The following MEI4 variants were observed in gnomAD, a reference collection of about 807,000 sequenced individuals.
MEI4 encodes meiosis-specific protein MEI4.
A neutral mutation model predicts 31.4 loss-of-function variants in MEI4; 27 were observed. The observed-to-expected ratio is 0.86, with a 90% confidence interval of 0.63 to 1.19. The LOEUF (loss-of-function observed/expected upper bound fraction) is 1.19. Ranked by LOEUF, MEI4 falls within the 50% of genes most tolerant of loss-of-function variation. The pLI is 0.00. For missense variants in MEI4, 329 were observed against 398.9 expected, an observed-to-expected ratio of 0.82 and a Z score of 1.49; for synonymous variants, 122 against 145.4, an observed-to-expected ratio of 0.84 and a Z score of 1.16.
chr6:77,678,258 G>A (rs946415954), intron 1 of MEI4, among the ~76,000 whole-genome samples: 14 of 152,340 alleles, frequency 9.2e-5, no homozygotes, highest in South Asian at 4.1e-4. Flanking sequence ...CCCTTCTGCT[G>A]CTATTCGGCC....
At chr6:77,673,914 T>C (rs1247423521) in intron 1 of MEI4, among the ~76,000 whole-genome samples, 1 of 152,212 alleles carries the variant, frequency 6.6e-6, no homozygotes, top group Non-Finnish European at 1.5e-5. Context: ...AATGTAAATG[T>C]GCATATATTT....
At chr6:77,808,926 G>T (rs1454358620) in intron 3 of MEI4, among the ~76,000 whole-genome samples, 3 of 152,114 alleles carry the variant, frequency 2.0e-5, no homozygotes, top group Non-Finnish European at 4.4e-5. Context: ...TGGAATGTGG[G>T]CCATTCTATG....
intron 3 of MEI4, among the ~76,000 whole-genome samples, chr6:77,773,516 C>T (rs938452555): frequency 2.6e-5 from 4 of 151,984 alleles, no homozygotes; most frequent in African/African-American, 9.7e-5. Context: ...TATCTGTCAA[C>T]ATATACAAAA....
intron 3 of MEI4, among the ~76,000 whole-genome samples, chr6:77,826,116 T>C (rs987016717): frequency 1.3e-5 from 2 of 152,218 alleles, no homozygotes; most frequent in African/African-American, 4.8e-5. Flanking sequence ...TTTCACTTGA[T>C]CCCAGTTTTG....
chr6:77,736,685 C>A lies in MEI4; in HGVS notation c.233-24445C>A, dbSNP rs567725770. 3.3e-5 allele frequency among the ~76,000 whole-genome samples: 5 copies of A among 152,052 alleles called. No homozygotes were observed. The East Asian group carries it at 7.8e-4, about 24-fold the overall frequency. On this transcript the variant is annotated intron_variant, in intron 2 of 4. Coordinates refer to ENST00000684080, the MANE Select transcript of MEI4 (RefSeq NM_001322247.2). ...CCCTTAATTCAGTATTTGTGAGGTA[C>A]AAAACAATGTAGAAAATACAGAAAG... is the stretch of plus-strand genomic sequence containing the variant.
chr6:77,729,839 T>C (rs760209571), intron 2 of MEI4, among the ~76,000 whole-genome samples: 13 of 152,176 alleles, frequency 8.5e-5, no homozygotes, highest in Non-Finnish European at 1.9e-4. Context: ...AAGGAAACAA[T>C]GCATTGGGTA....
At chr6:77,762,965 A>T (rs1487996231) in intron 3 of MEI4, among the ~76,000 whole-genome samples, 1 of 152,054 alleles carries the variant, frequency 6.6e-6, no homozygotes, top group Admixed American at 6.6e-5. Flanking sequence ...CTTTCTTTTT[A>T]AACACTACTT....
At chr6:77,788,011 C>G (rs1425530239) in intron 3 of MEI4, among the ~76,000 whole-genome samples, 1 of 152,060 alleles carries the variant, frequency 6.6e-6, no homozygotes, top group African/African-American at 2.4e-5. Flanking sequence ...TGATGCTGGC[C>G]TCATAAAATG....
chr6:77,911,898 T>G (rs1429931586), intron 4 of MEI4, among the ~76,000 whole-genome samples: 2 of 151,888 alleles, frequency 1.3e-5, no homozygotes, highest in Non-Finnish European at 2.9e-5. Context: ...CCTTAAAATC[T>G]TTGCCTAGAA....
chr6:77,775,434 G>A (rs890886137), intron 3 of MEI4, among the ~76,000 whole-genome samples: 1 of 151,998 alleles, frequency 6.6e-6, no homozygotes, highest in Non-Finnish European at 1.5e-5. Flanking sequence ...AACATACAAT[G>A]TCTGGTTTTC....
At chr6:77,891,769 T>G (rs1771773928) in intron 4 of MEI4, among the ~76,000 whole-genome samples, 1 of 152,262 alleles carries the variant, frequency 6.6e-6, no homozygotes, top group African/African-American at 2.4e-5. Flanking sequence ...TGGATTGATT[T>G]TCATAGGGAA....
At chr6:77,676,043 C>G (rs992328840) in intron 1 of MEI4, among the ~76,000 whole-genome samples, 1 of 152,076 alleles carries the variant, frequency 6.6e-6, no homozygotes, top group Non-Finnish European at 1.5e-5. Context: ...TTGTCAACCA[C>G]GAAGTTTGGA....
At chr6:77,844,345 G>A (rs1770430140) in intron 4 of MEI4, among the ~76,000 whole-genome samples, 2 of 152,062 alleles carry the variant, frequency 1.3e-5, no homozygotes, top group South Asian at 4.1e-4. Flanking sequence ...TTTTATTGCT[G>A]TAAACAAAAT....
intron 1 of MEI4, among the ~76,000 whole-genome samples, chr6:77,686,394 T>C (rs1769054235): frequency 6.6e-6 from 1 of 152,146 alleles, no homozygotes; most frequent in Non-Finnish European, 1.5e-5. Context: ...TATCTTTCTC[T>C]TTTTCTTTTG....
At chr6:77,859,500 C>G (rs935506486) in intron 4 of MEI4, among the ~76,000 whole-genome samples, 3 of 152,126 alleles carry the variant, frequency 2.0e-5, no homozygotes, top group Non-Finnish European at 2.9e-5. Flanking sequence ...AAAAGCATTC[C>G]TATTTCTCCA....
At chr6:77,923,054 C>A (rs1766746563) in intron 4 of MEI4, 35 bp from the exon 5 acceptor site, 3 of 1,214,114 alleles carry the variant, frequency 2.5e-6, no homozygotes, top group Non-Finnish European at 3.1e-6. Flanking sequence ...TAATTTATAC[C>A]CAATTTTTTA....
intron 4 of MEI4, among the ~76,000 whole-genome samples, chr6:77,896,198 A>T (rs1173125966): frequency 6.6e-6 from 1 of 152,136 alleles, no homozygotes; most frequent in Non-Finnish European, 1.5e-5. Flanking sequence ...TCTATCTATT[A>T]TGAATGCTCT....
chr6:77,744,752 C>T (rs151067787), intron 2 of MEI4, among the ~76,000 whole-genome samples: 1,814 of 152,312 alleles, frequency 0.012, 18 homozygotes, highest in Non-Finnish European at 0.02. Context: ...GGAAGCCCAT[C>T]AGACTAACAG....
chr6:77,666,134 T>C lies in MEI4; in HGVS notation c.-15+13042T>C, dbSNP rs950800979. Among the ~76,000 whole-genome samples, 5 of 152,190 alleles carry C rather than the reference T, an allele frequency of 3.3e-5. No homozygotes were observed. In the East Asian group the frequency reaches 5.8e-4, roughly 18 times the overall value. On this transcript the variant is annotated intron_variant, in intron 1 of 4. Transcript: ENST00000684080. ...GGTGGTGGATTATCATTAGTTCTTA[T>C]AGGTTTCGGGATAGGCGGTGAAGTT...
Sources: gnomAD v4.1 joint callset for allele counts (sites outside exome capture counted in the v4.1 genomes callset) on GRCh38, gnomAD v4.1.1 for gene constraint, MANE v1.5 for transcripts, NCBI Gene and HGNC (gene_info 2026-07-23, HGNC 2026-07-21) for gene names.